Variants in PFKFB3 observed in about 807,000 individuals in gnomAD.
PFKFB3 encodes 6-phosphofructo-2-kinase/fructose-2,6-biphosphatase 3.
In PFKFB3, 33 loss-of-function variants were observed where a neutral mutation model predicts 68.0. The observed-to-expected ratio is 0.49, with a 90% CI of 0.37 to 0.65. The LOEUF (loss-of-function observed/expected upper bound fraction) is 0.65, where lower values mean the gene tolerates loss of function less well. Ranked by LOEUF, PFKFB3 falls within the 30% of genes least tolerant of loss-of-function variation. The pLI is 0.00. For synonymous variants in PFKFB3, 315 were observed against 288.2 expected (o/e 1.09, Z -0.94); for missense variants, 586 against 712.2 (o/e 0.82, Z 2.02).
chr10:6,250,919 G>A (rs1386450712), intron 14 of PFKFB3, among the ~76,000 whole-genome samples: 2 of 152,170 alleles, frequency 1.3e-5, no homozygotes, highest in East Asian at 1.9e-4. Context: ...CTACGCCAGC[G>A]CTTCTTAACT....
chr10:6,280,903 C>T, the PFKFB3 span, among the ~76,000 whole-genome samples: 2 of 151,548 alleles, frequency 1.3e-5, no homozygotes, highest in African/African-American at 4.8e-5. Flanking sequence ...GCACCCATCG[C>T]CCGAGCAGTA....
the PFKFB3 span, among the ~76,000 whole-genome samples, chr10:6,264,743 T>C: frequency 5.3e-5 from 8 of 152,328 alleles, no homozygotes; most frequent in South Asian, 1.0e-3. Flanking sequence ...ATTCTCTCTA[T>C]ACGTGTATGT....
chr10:6,271,388 G>C, the PFKFB3 span, among the ~76,000 whole-genome samples: 1 of 152,330 alleles, frequency 6.6e-6, no homozygotes, highest in Admixed American at 6.5e-5. Flanking sequence ...GCTGCCTCCT[G>C]GGGGTGTGGG....
chr10:6,318,047 A>G, the PFKFB3 span, among the ~76,000 whole-genome samples: 7 of 152,234 alleles, frequency 4.6e-5, no homozygotes, highest in Non-Finnish European at 7.3e-5. Flanking sequence ...ATAACCTGAA[A>G]AGCGAAAGTT....
chr10:6,177,354 C>CTCTTTCTTTCTTTCTT (rs71294418), intron 1 of PFKFB3, among the ~76,000 whole-genome samples: 3,350 of 77,958 alleles, frequency 0.043, 253 homozygotes, highest in East Asian at 0.062. Context: ...CTTTTCTTTT[C>CTCTTTCTTTCTTTCTT]TCTTTCTTTC....
rs1388752825 is a variant in PFKFB3, at chr10:6,220,703, G to A, written c.669G>A (p.Leu223=). The A allele has an allele frequency of 6.2e-7, 1 of 1,614,122 alleles. No homozygotes were observed. Among genetic ancestry groups the A allele is most frequent in the Admixed American group, 1.7e-5 (1 of 60,028 alleles). The change falls in exon 8 of 15, where the codon CTG becomes CTA. Residue 223 remains leucine, a synonymous_variant. Transcript: ENST00000379775. This position sits in a 1 kb window ranked among gnomAD's most constrained non-coding sequence, Gnocchi z 4.1. The part of the protein sequence containing the change: ...IKVIDVGRRF[L]VNRVQDHIQS... ...TGATTGACGTGGGCCGGAGGTTCCT[G>A]GTGAACCGGGTGCAGGACCACATCC...
the PFKFB3 span, among the ~76,000 whole-genome samples, chr10:6,311,427 C>G: frequency 6.6e-6 from 1 of 152,152 alleles, no homozygotes; most frequent in Non-Finnish European, 1.5e-5. Flanking sequence ...CTACGGAAGA[C>G]CTACCAGCAA....
intron 1 of PFKFB3, among the ~76,000 whole-genome samples, chr10:6,185,440 A>G (rs1292309047): frequency 6.6e-6 from 1 of 152,174 alleles, no homozygotes; most frequent in Non-Finnish European, 1.5e-5. Context: ...GATGGAGAGA[A>G]CACACCATAG....
At chr10:6,219,299 A>T (rs1844793505) in intron 6 of PFKFB3, among the ~76,000 whole-genome samples, 1 of 152,214 alleles carries the variant, frequency 6.6e-6, no homozygotes, top group African/African-American at 2.4e-5. Flanking sequence ...TTGCTGGAGC[A>T]TTCAGAGGTG....
the PFKFB3 span, among the ~76,000 whole-genome samples, chr10:6,309,483 A>G: frequency 6.6e-6 from 1 of 151,960 alleles, no homozygotes; most frequent in Non-Finnish European, 1.5e-5. Flanking sequence ...TTAGCCAGGC[A>G]TGGTGGTGCA....
At chr10:6,266,871 G>A in the PFKFB3 span, among the ~76,000 whole-genome samples, 11 of 152,358 alleles carry the variant, frequency 7.2e-5, no homozygotes, top group South Asian at 6.2e-4. Flanking sequence ...TCATGCGTGC[G>A]AAGCAGGCCT....
the PFKFB3 span, among the ~76,000 whole-genome samples, chr10:6,266,782 C>T: frequency 3.9e-5 from 6 of 152,222 alleles, no homozygotes; most frequent in African/African-American, 1.4e-4. Flanking sequence ...TATTTCAAAA[C>T]AGCAACAGCA....
chr10:6,309,301 C>A, the PFKFB3 span, among the ~76,000 whole-genome samples: 1 of 152,040 alleles, frequency 6.6e-6, no homozygotes, highest in Non-Finnish European at 1.5e-5. Flanking sequence ...TGGTGGCTGA[C>A]GCCTATAATC....
chr10:6,146,055 G>C (rs1841380090), intron 1 of PFKFB3, among the ~76,000 whole-genome samples: 1 of 152,204 alleles, frequency 6.6e-6, no homozygotes, highest in African/African-American at 2.4e-5. Context: ...GGGAGGGGTT[G>C]AGTTCTGGTG....
intron 1 of PFKFB3, among the ~76,000 whole-genome samples, chr10:6,167,398 C>T (rs2131733146): frequency 6.6e-6 from 1 of 152,302 alleles, no homozygotes; most frequent in East Asian, 1.9e-4. Flanking sequence ...TTTCTGAGCT[C>T]CTGGATTCAT....
chr10:6,228,158 C>G lies in PFKFB3; in HGVS notation c.1515+1793C>G. 1.2e-6 allele frequency: 2 copies of G among 1,612,372 alleles called. No individual in the cohort carries two copies. Among genetic ancestry groups the G allele is most frequent in the Non-Finnish European group, 1.7e-6 (2 of 1,179,552 alleles). On this transcript the variant is annotated intron_variant, in intron 14 of 14. Transcript: ENST00000379775. This position sits in a 1 kb window ranked among gnomAD's most constrained non-coding sequence, Gnocchi z 4.5. Reference sequence around the variant, plus strand: ...CTTCGTCCCTGCAGATTGCGCCCTGCCTCCTGACTGACTTCTCTCTCTGCT... The same window carrying G: ...CTTCGTCCCTGCAGATTGCGCCCTGGCTCCTGACTGACTTCTCTCTCTGCT...
chr10:6,180,743 T>G (rs750406628), intron 1 of PFKFB3, among the ~76,000 whole-genome samples: 2 of 152,194 alleles, frequency 1.3e-5, no homozygotes, highest in Non-Finnish European at 2.9e-5. Context: ...AGATTACAGG[T>G]GCAAGCCACC....
At chr10:6,168,220 G>A (rs1842198735) in intron 1 of PFKFB3, among the ~76,000 whole-genome samples, 1 of 152,216 alleles carries the variant, frequency 6.6e-6, no homozygotes, top group Non-Finnish European at 1.5e-5. Flanking sequence ...GAGGTAGTGA[G>A]TCCTGGAATC....
downstream of PFKFB3, among the ~76,000 whole-genome samples, chr10:6,237,200 C>T (rs1045169978): frequency 2.0e-5 from 3 of 152,250 alleles, no homozygotes; most frequent in African/African-American, 4.8e-5. Flanking sequence ...TCCCGTCTCC[C>T]GAGTCCCTGC....
Sources: gnomAD v4.1 joint callset for allele counts (sites outside exome capture counted in the v4.1 genomes callset) on GRCh38, gnomAD v4.1.1 for gene constraint, Gnocchi (gnomAD v3.1) non-coding constraint, MANE v1.5 for transcripts, NCBI Gene and HGNC (gene_info 2026-07-23, HGNC 2026-07-21) for gene names.